Variants in ZNF678 observed in about 807,000 individuals in gnomAD.
ZNF678 encodes the protein zinc finger protein 678, also known as hypothetical protein MGC42493.
In ZNF678, 5 loss-of-function variants were observed where a neutral mutation model predicts 3.0. That is an observed-to-expected ratio of 1.69 (90% CI 0.88 to 3.56). The LOEUF (loss-of-function observed/expected upper bound fraction) is 3.56. Ranked by LOEUF, ZNF678 falls within the 30% of genes most tolerant of loss-of-function variation. The pLI is 0.00. For missense variants in ZNF678, 593 were observed against 605.0 expected (o/e 0.98, Z 0.21); for synonymous variants, 218 against 199.6 (o/e 1.09, Z -0.78).
chr1:227,671,518 T>C (rs188927092), intron 5 of ZNF678, among the ~76,000 whole-genome samples: 1 of 152,302 alleles, frequency 6.6e-6, no homozygotes, highest in East Asian at 1.9e-4. Context: ...ACACAATCAT[T>C]GTTTGCCAGT....
chr1:227,638,783 G>T lies in ZNF678; in HGVS notation c.-163-7761G>T, dbSNP rs1026713345. Among the ~76,000 whole-genome samples, 1 of 152,090 alleles carries T rather than the reference G, an allele frequency of 6.6e-6. No individual in the cohort carries two copies. The highest frequency in any genetic ancestry group is 6.6e-5 in the Admixed American group (1 of 15,266). On this transcript the variant is annotated intron_variant, in intron 1 of 3. Coordinates refer to ENST00000343776, the MANE Select transcript of ZNF678 (RefSeq NM_001367909.1). The surrounding 1 kb of genome is among the most constrained non-coding windows in gnomAD (Gnocchi z 4.2). Reference sequence around the variant, plus strand: ...TAAGAAAGAGTGAGTGAAGGAAAAGGTTACGTGTAGGGAGCAGAAGAGTGG... The same window carrying T: ...TAAGAAAGAGTGAGTGAAGGAAAAGTTTACGTGTAGGGAGCAGAAGAGTGG...
chr1:227,671,111 CTG>C (rs1200114851), intron 5 of ZNF678, among the ~76,000 whole-genome samples: 2 of 132,464 alleles, frequency 1.5e-5, no homozygotes, highest in African/African-American at 5.7e-5. Flanking sequence ...GGATCTCACT[CTG>C]TTGCTCAGAC....
chr1:227,619,861 A>T (rs886083587), intron 1 of ZNF678, among the ~76,000 whole-genome samples: 1 of 152,236 alleles, frequency 6.6e-6, no homozygotes, highest in Non-Finnish European at 1.5e-5. Context: ...CCCACATGCT[A>T]AGCATTCCAA....
At chr1:227,628,293 G>C (rs1041545508) in intron 1 of ZNF678, among the ~76,000 whole-genome samples, 1 of 151,126 alleles carries the variant, frequency 6.6e-6, no homozygotes, top group African/African-American at 2.4e-5. Flanking sequence ...AGCTATTCCT[G>C]TTTTTTTTTC....
chr1:227,662,269 A>G lies in ZNF678; in HGVS notation c.*6441A>G, dbSNP rs995305533. On this transcript the variant is annotated 3_prime_UTR_variant, in exon 4 of 4. Coordinates refer to ENST00000343776, the MANE Select transcript of ZNF678 (RefSeq NM_001367909.1). ...GAAAACACAGGCTTTTGCACATCCA[A>G]TGTCTCCTTAAAGCATGTGGTTCAG... 38 of 152,186 alleles carry G rather than the reference A, an allele frequency of 2.5e-4. No individual in the cohort carries two copies. The highest frequency in any genetic ancestry group is 2.4e-3 in the Admixed American group (37 of 15,280). 9.4% of individuals were successfully genotyped at this position (152,186 alleles called of 1,614,324 possible).
At chr1:227,598,525 AT>A in intron 1 of ZNF678, 5 of 1,217,168 alleles carry the variant, frequency 4.1e-6, no homozygotes, top group South Asian at 1.4e-5. Flanking sequence ...GCTTTTTCTC[AT>A]TTTTCACTGC....
At chr1:227,612,913 C>T (rs1658055338) in intron 1 of ZNF678, among the ~76,000 whole-genome samples, 1 of 152,218 alleles carries the variant, frequency 6.6e-6, no homozygotes, top group South Asian at 2.1e-4. Flanking sequence ...AAAACATCAT[C>T]AGTGTCTGAC....
At chr1:227,603,197 G>A (rs1367944662) in intron 1 of ZNF678, among the ~76,000 whole-genome samples, 1 of 152,188 alleles carries the variant, frequency 6.6e-6, no homozygotes, top group African/African-American at 2.4e-5. Flanking sequence ...TGTCTCCAGA[G>A]CTCCAAATCT....
chr1:227,667,952 C>T (rs1659537216), intron 5 of ZNF678, among the ~76,000 whole-genome samples: 1 of 152,070 alleles, frequency 6.6e-6, no homozygotes, highest in Non-Finnish European at 1.5e-5. Flanking sequence ...TATCCCACTG[C>T]CCTGAGTTTA....
intron 1 of ZNF678, among the ~76,000 whole-genome samples, chr1:227,622,848 A>T (rs532034328): frequency 6.6e-6 from 1 of 152,316 alleles, no homozygotes; most frequent in East Asian, 1.9e-4. Context: ...CATACAAAAG[A>T]CATTTGTCAC....
intron 1 of ZNF678, among the ~76,000 whole-genome samples, chr1:227,639,967 G>T (rs1297339959): frequency 6.6e-6 from 1 of 152,192 alleles, no homozygotes; most frequent in Non-Finnish European, 1.5e-5. Context: ...AAGGGAACAT[G>T]AACTCTAACA....
At chr1:227,673,755 C>T (rs1659637608) in intron 5 of ZNF678, among the ~76,000 whole-genome samples, 1 of 152,150 alleles carries the variant, frequency 6.6e-6, no homozygotes, top group African/African-American at 2.4e-5. Flanking sequence ...GATATACTGC[C>T]TATTTGGAAA....
chr1:227,673,446 AGGGAGGTC>A (rs1659634160), intron 5 of ZNF678, among the ~76,000 whole-genome samples: 1 of 152,190 alleles, frequency 6.6e-6, no homozygotes, highest in African/African-American at 2.4e-5. Flanking sequence ...ACAAAATTGG[AGGGAGGTC>A]TGGGAGAATC....
In ZNF678 at chr1:227,659,339, TAA is replaced by T. The variant is rs1224490561; in HGVS notation, c.*3516_*3517del. ...CCAATTCCTTAGTCATTTTCTGTAT[TAA>T]AAAACTCAGAGATCTAGAGAGCTTT... On this transcript the variant is annotated 3_prime_UTR_variant, in exon 4 of 4. Coordinates refer to ENST00000343776, the MANE Select transcript of ZNF678 (RefSeq NM_001367909.1). 6.6e-6 allele frequency: 1 copy of T among 152,164 alleles called. No homozygotes were observed. Among genetic ancestry groups the T allele is most frequent in the East Asian group, 1.9e-4 (1 of 5,200 alleles). 9.4% of individuals were successfully genotyped at this position (152,164 alleles called of 1,614,324 possible). A position where few individuals can be genotyped will look rare whatever the true frequency, so the allele number is the denominator to read the frequency against.
intron 1 of ZNF678, among the ~76,000 whole-genome samples, chr1:227,624,938 C>T (rs531645125): frequency 1.4e-4 from 21 of 152,118 alleles, no homozygotes; most frequent in Non-Finnish European, 2.2e-4. Context: ...AAACGCGGAC[C>T]GGAAGAGTGT....
In ZNF678 at chr1:227,586,962, G is replaced by T. The variant is rs1259620207; in HGVS notation, c.-164+23238G>T. Among the ~76,000 whole-genome samples, 3 of 152,196 alleles carry T rather than the reference G, an allele frequency of 2.0e-5. No homozygotes were observed. The East Asian group carries it at 5.8e-4, about 29-fold the overall frequency. On this transcript the variant is annotated intron_variant, in intron 1 of 3. Transcript: ENST00000343776. The stretch of plus-strand genomic sequence containing the variant: ...AAAGCCCATGGGGGTGGGGTGATAG[G>T]CTGCACCTAAATGGCAGGATGAGAA...
intron 1 of ZNF678, among the ~76,000 whole-genome samples, chr1:227,622,891 T>G (rs545275440): frequency 1.3e-5 from 2 of 152,314 alleles, no homozygotes; most frequent in South Asian, 2.1e-4. Context: ...GGGGCTGCAT[T>G]CCAGGAAACC....
chr1:227,660,859 G>A lies in ZNF678; in HGVS notation c.*5031G>A, dbSNP rs1376736590. 6.6e-6 allele frequency: 1 copy of A among 152,114 alleles called. No homozygotes were observed. Among genetic ancestry groups the A allele is most frequent in the Non-Finnish European group, 1.5e-5 (1 of 68,018 alleles). 9.4% of individuals were successfully genotyped at this position (152,114 alleles called of 1,614,324 possible). A position where few individuals can be genotyped will look rare whatever the true frequency, so the allele number is the denominator to read the frequency against. ...CCATTTGTCATATATGGCCTTTATT[G>A]GCTTGAGGTATGTATGTTCTATATG... is the stretch of plus-strand genomic sequence containing the variant. On this transcript the variant is annotated 3_prime_UTR_variant, in exon 4 of 4. Transcript: ENST00000343776.
intron 2 of ZNF678, among the ~76,000 whole-genome samples, chr1:227,650,660 A>G (rs944663429): frequency 2.0e-5 from 3 of 152,028 alleles, no homozygotes; most frequent in Admixed American, 6.6e-5. Context: ...TTCTTTTATC[A>G]ATATTTTATT....
Sources: allele counts gnomAD v4.1 joint callset (sites outside exome capture counted in the v4.1 genomes callset), GRCh38; gene constraint gnomAD v4.1.1; non-coding constraint Gnocchi (gnomAD v3.1); transcripts MANE v1.5; gene names NCBI Gene and HGNC (gene_info 2026-07-23, HGNC 2026-07-21).